PLCL1: variants seen among roughly 807,000 people sequenced by gnomAD.
The protein encoded by PLCL1 is phospholipase C like 1 (inactive).
Under a neutral mutation model 84.4 loss-of-function variants are expected in PLCL1, and 41 were observed. That is an observed-to-expected ratio of 0.49 (90% CI 0.38 to 0.63). PLCL1 has a LOEUF of 0.63. Ranked by LOEUF, PLCL1 falls within the 30% of genes least tolerant of loss-of-function variation. The pLI is 0.00. For synonymous variants in PLCL1, 490 were observed against 488.3 expected (o/e 1.00, Z -0.05); for missense variants, 1,206 against 1,367.8 (o/e 0.88, Z 1.87).
intron 1 of PLCL1, among the ~76,000 whole-genome samples, chr2:197,981,537 C>CT (rs1347625260): frequency 3.3e-5 from 5 of 152,100 alleles, no homozygotes; most frequent in African/African-American, 4.8e-5. Context: ...ACAAACTTTA[C>CT]TTTGTCAATC....
At chr2:197,922,815 C>T (rs1467276865) in intron 1 of PLCL1, among the ~76,000 whole-genome samples, 7 of 127,570 alleles carry the variant, frequency 5.5e-5, no homozygotes, top group Admixed American at 7.5e-5. Context: ...GGCGGCTGGC[C>T]GGGCAGAGGG....
rs971911852 is a variant in PLCL1 at position 197,941,027 on chromosome 2, A to G, written c.240+135688A>G. ...TGCTTTTTAAGTTAAAAAAAAACTA[A>G]TAAGTAATCATTATCTAAAGTTGCA... is the stretch of plus-strand genomic sequence containing the variant. On this transcript the variant is annotated intron_variant, in intron 1 of 5. Transcript: ENST00000428675. Among the ~76,000 whole-genome samples the G allele has an allele frequency of 7.2e-5, 11 of 152,300 alleles. No homozygotes were observed. The East Asian group carries it at 2.1e-3, about 29-fold the overall frequency.
intron 1 of PLCL1, among the ~76,000 whole-genome samples, chr2:197,942,277 C>T (rs998623814): frequency 1.3e-5 from 2 of 152,148 alleles, no homozygotes; most frequent in African/African-American, 4.8e-5. Flanking sequence ...CTTTTCACCA[C>T]CATTTAACTT....
At chr2:198,126,239 C>A (rs879332658) in intron 5 of PLCL1, among the ~76,000 whole-genome samples, 7 of 151,926 alleles carry the variant, frequency 4.6e-5, no homozygotes, top group Admixed American at 2.0e-4. Flanking sequence ...TCTGCATACA[C>A]CATTTCTCTT....
rs189574408 is a variant in PLCL1, at chr2:197,820,021, C to T, written c.240+14682C>T. ...ACGAACAATGATTTCAGAATATATT[C>T]ATCTGGCTGGAATGGAGCTGAGCAG... On this transcript the variant is annotated intron_variant, in intron 1 of 5. Coordinates refer to ENST00000428675, the MANE Select transcript of PLCL1 (RefSeq NM_006226.4). Among the ~76,000 whole-genome samples, 204 of 152,020 alleles carry T rather than the reference C, an allele frequency of 1.3e-3. 1 individual carries two copies. The highest frequency in any genetic ancestry group is 2.3e-3 in the Non-Finnish European group (156 of 67,946).
chr2:197,897,162 CTT>C (rs1559038536), intron 1 of PLCL1, among the ~76,000 whole-genome samples: 6 of 31,792 alleles, frequency 1.9e-4, no homozygotes, highest in South Asian at 1.3e-3. Context: ...TCTTCTTCTT[CTT>C]CTTCTTCTTC....
chr2:197,804,983 G>C lies in PLCL1; in HGVS notation c.-117G>C, dbSNP rs1056213989. 5 of 1,252,994 alleles carry C rather than the reference G, an allele frequency of 4.0e-6. No homozygotes were observed. The highest frequency in any genetic ancestry group is 5.3e-6 in the Non-Finnish European group (5 of 946,064). The allele number at this position is 1,252,994 out of a possible 1,614,324, so 77.6% of individuals were successfully genotyped here. ...GCCGCCGCCACTGCCGCCGCTGGGC[G>C]GTGAAACAAAGTCTGGCGGGGCCGC... On this transcript the variant is annotated 5_prime_UTR_variant, in exon 1 of 6. Transcript: ENST00000428675.
intron 1 of PLCL1, among the ~76,000 whole-genome samples, chr2:197,924,848 G>A (rs933174965): frequency 4.6e-5 from 7 of 151,988 alleles, no homozygotes; most frequent in African/African-American, 1.5e-4. Context: ...GTTACATTTA[G>A]ATATTACATT....
At chr2:197,831,323 T>G in intron 1 of PLCL1, among the ~76,000 whole-genome samples, 1 of 151,720 alleles carries the variant, frequency 6.6e-6, no homozygotes, top group East Asian at 1.9e-4. Context: ...GATGGAGGAA[T>G]ATTTACCAAC....
chr2:197,968,790 G>C (rs759681070), intron 1 of PLCL1, among the ~76,000 whole-genome samples: 17 of 152,200 alleles, frequency 1.1e-4, no homozygotes, highest in Non-Finnish European at 2.1e-4. Flanking sequence ...TCAGAACATA[G>C]TGCAGGTATT....
At chr2:197,809,831 T>C (rs1294174228) in intron 1 of PLCL1, among the ~76,000 whole-genome samples, 3 of 151,866 alleles carry the variant, frequency 2.0e-5, no homozygotes, top group Non-Finnish European at 4.4e-5. Context: ...TGTGTGTGTG[T>C]GTGTGTGTGT....
At chr2:198,106,342 A>G (rs1248682107) in intron 5 of PLCL1, among the ~76,000 whole-genome samples, 3 of 151,896 alleles carry the variant, frequency 2.0e-5, no homozygotes, top group Non-Finnish European at 2.9e-5. Context: ...ATAAGCCCCT[A>G]CTATGCATTG....
At chr2:197,961,174 C>A (rs1487106221) in intron 1 of PLCL1, among the ~76,000 whole-genome samples, 1 of 150,014 alleles carries the variant, frequency 6.7e-6, no homozygotes, top group Non-Finnish European at 1.5e-5. Flanking sequence ...TTTTTGTGTG[C>A]AAAGTTTTTT....
rs201067050 is a variant in PLCL1, at chr2:197,956,690, CAT to C, written c.241-127065_241-127064del. Among the ~76,000 whole-genome samples the C allele has an allele frequency of 9.5e-3, 1,450 of 152,158 alleles. 27 individuals carry two copies. The highest frequency in any genetic ancestry group is 0.033 in the African/African-American group (1,378 of 41,524). ...TGATCAGTGATGTCGAGCTTTTTTT[CAT>C]ATGTTTGTTGGCCATATAAATGTCT... is the stretch of plus-strand genomic sequence containing the variant. On this transcript the variant is annotated intron_variant, in intron 1 of 5. Transcript: ENST00000428675.
intron 1 of PLCL1, among the ~76,000 whole-genome samples, chr2:197,994,578 A>T (rs193076614): frequency 3.7e-4 from 56 of 152,326 alleles, no homozygotes; most frequent in African/African-American, 1.3e-3. Flanking sequence ...ATAACTCATG[A>T]ATTCCATGAA....
intron 1 of PLCL1, among the ~76,000 whole-genome samples, chr2:197,995,704 T>C (rs1866664): frequency 0.51 from 78,128 of 151,972 alleles, 21,025 homozygotes; most frequent in African/African-American, 0.66. Context: ...GGTACTTTTG[T>C]GGAGGCATAC....
chr2:198,066,023 GA>G (rs1376786447), intron 1 of PLCL1, among the ~76,000 whole-genome samples: 1 of 152,034 alleles, frequency 6.6e-6, no homozygotes, highest in Non-Finnish European at 1.5e-5. Context: ...TATTATTACT[GA>G]AAATTTCAAG....
intron 1 of PLCL1, among the ~76,000 whole-genome samples, chr2:197,881,255 C>T (rs993290942): frequency 2.0e-5 from 3 of 152,028 alleles, no homozygotes; most frequent in Non-Finnish European, 2.9e-5. Flanking sequence ...GGCAAGTGTG[C>T]GACTTTGGGA....
intron 1 of PLCL1, among the ~76,000 whole-genome samples, chr2:197,859,718 C>G (rs1286332692): frequency 6.6e-6 from 1 of 152,114 alleles, no homozygotes; most frequent in Non-Finnish European, 1.5e-5. Context: ...TGTTATAGTA[C>G]TCAGTACAGT....
Sources: gnomAD v4.1 joint callset for allele counts (sites outside exome capture counted in the v4.1 genomes callset) on GRCh38, gnomAD v4.1.1 for gene constraint, MANE v1.5 for transcripts, NCBI Gene and HGNC (gene_info 2026-07-23, HGNC 2026-07-21) for gene names.